ITPK1: variants seen among roughly 807,000 people sequenced by gnomAD.
The protein encoded by ITPK1 is inositol-tetrakisphosphate 1-kinase.
A neutral mutation model predicts 45.3 loss-of-function variants in ITPK1; 21 were observed. That is an observed-to-expected ratio of 0.46 (90% confidence interval 0.33 to 0.67). ITPK1 has a LOEUF of 0.67. ITPK1 is among the 30% of genes least tolerant of loss of function. The probability of loss-of-function intolerance (pLI) is 0.02; values close to 1 mark genes in which losing one functional copy is unlikely to be tolerated. For missense variants in ITPK1, 474 were observed against 573.5 expected, an observed-to-expected ratio of 0.83 and a Z score of 1.77; for synonymous variants, 258 against 253.6, an observed-to-expected ratio of 1.02 and a Z score of -0.16.
chr14:93,076,501 C>G lies in ITPK1; in HGVS notation c.120+94G>C. 1 of 1,382,560 alleles carries G rather than the reference C, an allele frequency of 7.2e-7. No homozygotes were observed. Among genetic ancestry groups the G allele is most frequent in the Admixed American group, 1.8e-5 (1 of 56,060 alleles). 85.6% of individuals were successfully genotyped at this position (1,382,560 alleles called of 1,614,324 possible). ...GCTGCACGTGAAGAAGAGAGAAAGC[C>G]GTGCCCAATGCTGGAGGAGAGAAGG... On this transcript the variant is annotated intron_variant, in intron 3 of 10. Transcript: ENST00000267615. This position sits in a 1 kb window ranked among gnomAD's most constrained non-coding sequence, Gnocchi z 4.3.
intron 3 of ITPK1, among the ~76,000 whole-genome samples, chr14:93,072,376 G>A (rs1450708885): frequency 6.6e-6 from 1 of 151,668 alleles, no homozygotes; most frequent in Non-Finnish European, 1.5e-5. Context: ...CAATGAATGG[G>A]AATTTTTTGA....
At position 92,938,172 on chromosome 14, in the gene ITPK1, ATGGTGTCGATCTC is replaced by A. The variant is rs1276543526; in HGVS notation, c.*3376_*3388del. On this transcript the variant is annotated 3_prime_UTR_variant, in exon 11 of 11. Transcript: ENST00000267615. ...ATGGGGTTTCACCATGTTGGCCAGGATGGTGTCGATCTCTTGACCTTGTGATCCACCTGCCTCA... is the reference window on the plus strand; with the variant it reads ...ATGGGGTTTCACCATGTTGGCCAGGATTGACCTTGTGATCCACCTGCCTCA... 6.7e-6 allele frequency: 3 copies of A among 449,784 alleles called. No individual in the cohort carries two copies. Among genetic ancestry groups the A allele is most frequent in the African/African-American group, 6.0e-5 (3 of 49,966 alleles). 27.9% of individuals were successfully genotyped at this position (449,784 alleles called of 1,614,324 possible).
chr14:92,939,345 C>G lies in ITPK1; in HGVS notation c.*2216G>C, dbSNP rs1046672448. On this transcript the variant is annotated 3_prime_UTR_variant, in exon 11 of 11. Coordinates refer to ENST00000267615, the MANE Select transcript of ITPK1 (RefSeq NM_014216.6). Reference sequence around the variant, plus strand: ...GGGATCAAAGATGGTCAGCGTGCACCCTTAGGGTACGTTTAGCGAGCTGGG... The same window carrying G: ...GGGATCAAAGATGGTCAGCGTGCACGCTTAGGGTACGTTTAGCGAGCTGGG... 1.3e-5 allele frequency: 2 copies of G among 152,296 alleles called. No homozygotes were observed. Among genetic ancestry groups the G allele is most frequent in the Non-Finnish European group, 1.5e-5 (1 of 68,128 alleles). The allele number at this position is 152,296 out of a possible 1,614,324, so 9.4% of individuals were successfully genotyped here. A position where few individuals can be genotyped will look rare whatever the true frequency, so the allele number is the denominator to read the frequency against.
intron 10 of ITPK1, among the ~76,000 whole-genome samples, chr14:92,942,995 G>A (rs1303006980): frequency 6.6e-6 from 1 of 152,266 alleles, no homozygotes; most frequent in Non-Finnish European, 1.5e-5. Flanking sequence ...CCTGGAAGAT[G>A]AGACTGCTGA....
chr14:93,079,628 A>G (rs987759904), intron 2 of ITPK1, among the ~76,000 whole-genome samples: 1 of 152,194 alleles, frequency 6.6e-6, no homozygotes, highest in Non-Finnish European at 1.5e-5. Flanking sequence ...GGAATCCCAC[A>G]TGCACCACCA....
chr14:93,064,651 C>T (rs1890673350), intron 3 of ITPK1, among the ~76,000 whole-genome samples: 1 of 152,172 alleles, frequency 6.6e-6, no homozygotes, highest in African/African-American at 2.4e-5. Context: ...ATAGGGTATA[C>T]TCTAAGGCCA....
intron 4 of ITPK1, among the ~76,000 whole-genome samples, chr14:92,998,098 T>C (rs1264464153): frequency 1.3e-5 from 2 of 152,218 alleles, no homozygotes; most frequent in Non-Finnish European, 2.9e-5. Flanking sequence ...ATTGATTCTG[T>C]GTCTGGAGTT....
At chr14:92,946,566 C>T (rs116409277) in intron 9 of ITPK1, 73 bp from the exon 10 acceptor site, 5 of 1,442,776 alleles carry the variant, frequency 3.5e-6, no homozygotes, top group Non-Finnish European at 4.8e-6. Flanking sequence ...ACAGACCCCC[C>T]ACACCAGCTG....
At chr14:93,114,932 C>T in intron 2 of ITPK1, 137 bp downstream of exon 2, 1 of 512,670 alleles carries the variant, frequency 2.0e-6, no homozygotes, top group Non-Finnish European at 3.3e-6. Flanking sequence ...TGCTCGGACT[C>T]AGTCTCCCCG....
At chr14:93,030,912 G>A (rs774674004) in intron 3 of ITPK1, among the ~76,000 whole-genome samples, 9 of 152,196 alleles carry the variant, frequency 5.9e-5, no homozygotes, top group Admixed American at 2.6e-4. Context: ...GAGGAACATC[G>A]TGAGGAGATG....
At chr14:92,990,465 G>A (rs1293569266) in intron 5 of ITPK1, among the ~76,000 whole-genome samples, 1 of 152,214 alleles carries the variant, frequency 6.6e-6, no homozygotes, top group Admixed American at 6.5e-5. Flanking sequence ...AGGAAGTTCT[G>A]TCGCATTTAA....
chr14:93,078,234 C>A (rs761277476), intron 2 of ITPK1, among the ~76,000 whole-genome samples: 8 of 152,328 alleles, frequency 5.3e-5, no homozygotes, highest in Non-Finnish European at 1.0e-4. Flanking sequence ...CCCACAGGAA[C>A]CTTTGGGCAC....
chr14:92,999,804 C>G (rs1887247729), intron 4 of ITPK1, among the ~76,000 whole-genome samples: 1 of 152,194 alleles, frequency 6.6e-6, no homozygotes, highest in African/African-American at 2.4e-5. Flanking sequence ...CAATTTACCC[C>G]AAAGCAAGGG....
chr14:92,939,277 G>A lies in ITPK1; in HGVS notation c.*2284C>T, dbSNP rs1887239850. ...CTGAGGCAGAAACTCCAAGGCCAGG[G>A]ACAATGTGACCGAAGGGGAGACAAC... On this transcript the variant is annotated 3_prime_UTR_variant, in exon 11 of 11. Transcript: ENST00000267615. 7 of 152,480 alleles carry A rather than the reference G, an allele frequency of 4.6e-5. No individual in the cohort carries two copies. Among genetic ancestry groups the A allele is most frequent in the Admixed American group, 4.6e-4 (7 of 15,306 alleles). 9.4% of individuals were successfully genotyped at this position (152,480 alleles called of 1,614,324 possible).
At chr14:92,986,826 G>A (rs756847638) in intron 5 of ITPK1, among the ~76,000 whole-genome samples, 33 of 152,164 alleles carry the variant, frequency 2.2e-4, no homozygotes, top group African/African-American at 2.4e-4. Context: ...CCAGCCAGTC[G>A]CCATGAGAGC....
intron 2 of ITPK1, among the ~76,000 whole-genome samples, chr14:93,087,098 C>G (rs1416673765): frequency 6.6e-6 from 1 of 152,186 alleles, no homozygotes; most frequent in African/African-American, 2.4e-5. Context: ...ACAGTAGTGG[C>G]TAAAAACAAC....
intron 5 of ITPK1, among the ~76,000 whole-genome samples, chr14:92,985,596 G>A (rs1029258987): frequency 6.6e-6 from 1 of 151,786 alleles, no homozygotes; most frequent in African/African-American, 2.4e-5. Context: ...ACTCTTGTTT[G>A]GGGAAATAAA....
At chr14:92,953,541 C>A (rs1888059088) in intron 8 of ITPK1, among the ~76,000 whole-genome samples, 1 of 152,242 alleles carries the variant, frequency 6.6e-6, no homozygotes. Flanking sequence ...ACCTTCTCAT[C>A]CTGTAGCCCA....
intron 2 of ITPK1, among the ~76,000 whole-genome samples, chr14:93,109,662 T>TC (rs1892665678): frequency 6.6e-6 from 1 of 152,120 alleles, no homozygotes. Flanking sequence ...CACCTCCACC[T>TC]CCTGGGGGGC....
Sources: allele counts gnomAD v4.1 joint callset (sites outside exome capture counted in the v4.1 genomes callset), GRCh38; gene constraint gnomAD v4.1.1; non-coding constraint Gnocchi (gnomAD v3.1); transcripts MANE v1.5; gene names NCBI Gene and HGNC (gene_info 2026-07-23, HGNC 2026-07-21).